USP40: variants seen among roughly 807,000 people sequenced by gnomAD.
USP40 encodes ubiquitin specific peptidase 40.
In USP40, 143 loss-of-function variants were observed where a neutral mutation model predicts 166.2. The ratio of observed to expected loss-of-function variants is 0.86; its 90% CI spans 0.75 to 0.99. The LOEUF (loss-of-function observed/expected upper bound fraction) is 0.99. Among genes scored for constraint, USP40 ranks in the 50% least tolerant of loss-of-function variants. The pLI, the probability that USP40 is intolerant of heterozygous loss-of-function variation, is 0.00. For synonymous variants in USP40, 498 were observed against 524.0 expected (o/e 0.95, Z 0.68); for missense variants, 1,444 against 1,479.7 (o/e 0.98, Z 0.40).
At chr2:233,500,510 C>A (rs1051939937) in intron 21 of USP40, among the ~76,000 whole-genome samples, 15 of 151,978 alleles carry the variant, frequency 9.9e-5, no homozygotes, top group Non-Finnish European at 7.4e-5. Flanking sequence ...AAATCTTGGA[C>A]AAGCGAGCAA....
chr2:233,493,286 G>T lies in USP40; in HGVS notation c.2917+139C>A. 8.3e-7 allele frequency: 1 copy of T among 1,202,420 alleles called. No homozygotes were observed. Among genetic ancestry groups the T allele is most frequent in the South Asian group, 1.4e-5 (1 of 69,222 alleles). 74.5% of individuals were successfully genotyped at this position (1,202,420 alleles called of 1,614,324 possible). A position where few individuals can be genotyped will look rare whatever the true frequency, so the allele number is the denominator to read the frequency against. On this transcript the variant is annotated intron_variant, in intron 25 of 31. Transcript: ENST00000678225. This position sits in a 1 kb window ranked among gnomAD's most constrained non-coding sequence, Gnocchi z 4.7. ...GTTATTATTATGTGATGTCTGGAAT[G>T]ACTTATGAAATTAATAGGTCTTGAT...
chr2:233,501,907 G>C (rs1029890969), intron 21 of USP40, among the ~76,000 whole-genome samples: 2 of 152,238 alleles, frequency 1.3e-5, no homozygotes. Flanking sequence ...CAAAGATAGA[G>C]AAGAGGAGGA....
intron 24 of USP40, among the ~76,000 whole-genome samples, chr2:233,495,110 T>C (rs1391756206): frequency 5.3e-5 from 8 of 150,888 alleles, no homozygotes; most frequent in Admixed American, 2.6e-4. Flanking sequence ...AAATAAATTA[T>C]AGTCCTCCAA....
Position 233,566,687 on chromosome 2 carries a change from C to G in USP40, c.-23G>C. On this transcript the variant is annotated 5_prime_UTR_variant, in exon 1 of 32. An upstream open reading frame in the 5' UTR loses its in-frame stop. Coordinates refer to ENST00000678225, the MANE Select transcript of USP40 (RefSeq NM_001365479.2). ...CCCGGGCGCCAGCCGCACTTACTGC[C>G]TAAAGCCCAGACCCCCGCCCTGGCC... is the stretch of plus-strand genomic sequence containing the variant. The G allele has an allele frequency of 3.0e-6, 3 of 986,160 alleles. No individual in the cohort carries two copies. The highest frequency in any genetic ancestry group is 3.6e-6 in the Non-Finnish European group (3 of 830,188). 61.1% of individuals were successfully genotyped at this position (986,160 alleles called of 1,614,324 possible). A position where few individuals can be genotyped will look rare whatever the true frequency, so the allele number is the denominator to read the frequency against.
In USP40 at chr2:233,510,034, G is replaced by A. The variant is rs1184075268; in HGVS notation, c.2613+15C>T. The A allele has an allele frequency of 2.4e-5, 38 of 1,558,800 alleles. No homozygotes were observed. Among genetic ancestry groups the A allele is most frequent in the Non-Finnish European group, 3.3e-5 (38 of 1,146,882 alleles). On this transcript the variant is annotated intron_variant, in intron 21 of 31. Transcript: ENST00000678225. ...ACACACACAGCCTCTGAAAACAAAA[G>A]GTAAAATTACTTACATCTCTCACAG...
chr2:233,510,002 CAT>C (rs2066692214), intron 21 of USP40, 45 bp downstream of exon 21: 1 of 1,441,158 alleles, frequency 6.9e-7, no homozygotes, highest in African/African-American at 1.4e-5. Context: ...TCACAGCAAA[CAT>C]ACAAACACAC....
Position 233,493,361 on chromosome 2 carries a change from C to T in USP40, c.2917+64G>A, listed in dbSNP as rs2065470454. 1 of 1,608,836 alleles carries T rather than the reference C, an allele frequency of 6.2e-7. No individual in the cohort carries two copies. The highest frequency in any genetic ancestry group is 2.2e-5 in the East Asian group (1 of 44,836). On this transcript the variant is annotated intron_variant, in intron 25 of 31. Transcript: ENST00000678225. This position sits in a 1 kb window ranked among gnomAD's most constrained non-coding sequence, Gnocchi z 4.7. ...TAAATATATCAATTGACTCTCAGAG[C>T]ACAGGCAGTCAATTTACTTCTCTTT...
intron 21 of USP40, among the ~76,000 whole-genome samples, chr2:233,501,897 C>A (rs1197460881): frequency 3.9e-5 from 6 of 152,088 alleles, no homozygotes; most frequent in Non-Finnish European, 2.9e-5. Context: ...GCAGAATGCT[C>A]AAAGATAGAG....
chr2:233,531,789 A>C (rs1340650697), intron 11 of USP40, among the ~76,000 whole-genome samples: 1 of 152,192 alleles, frequency 6.6e-6, no homozygotes, highest in Non-Finnish European at 1.5e-5. Context: ...CTCTAATAAT[A>C]GATATGTCTC....
At chr2:233,504,463 T>C (rs1260500418) in intron 21 of USP40, among the ~76,000 whole-genome samples, 2 of 151,758 alleles carry the variant, frequency 1.3e-5, no homozygotes, top group East Asian at 3.9e-4. Context: ...TCCATGCAAA[T>C]AGAAACCAAA....
At chr2:233,511,402 AAAATGTGAG>A (rs2066824595) in intron 20 of USP40, among the ~76,000 whole-genome samples, 1 of 152,196 alleles carries the variant, frequency 6.6e-6, no homozygotes. Flanking sequence ...CACAGATGTA[AAAATGTGAG>A]AAAAAGAAGG....
chr2:233,523,006 G>A (rs1031694874), intron 16 of USP40, among the ~76,000 whole-genome samples, 164 bp downstream of exon 16: 1 of 152,056 alleles, frequency 6.6e-6, no homozygotes, highest in African/African-American at 2.4e-5. Flanking sequence ...TTTTCTCTAA[G>A]TTACATAACC....
At chr2:233,502,455 A>G (rs1352240735) in intron 21 of USP40, among the ~76,000 whole-genome samples, 3 of 152,160 alleles carry the variant, frequency 2.0e-5, no homozygotes, top group Non-Finnish European at 2.9e-5. Flanking sequence ...GAAATGCTCC[A>G]ATGAATATTT....
At chr2:233,563,625 T>C (rs568005417) in intron 2 of USP40, among the ~76,000 whole-genome samples, 3 of 152,296 alleles carry the variant, frequency 2.0e-5, no homozygotes, top group Admixed American at 2.0e-4. Context: ...CCCAGTACTC[T>C]CAGCTACATT....
chr2:233,475,699 CGT>C lies in USP40; in HGVS notation c.*1691_*1692del, dbSNP rs1186370976. On this transcript the variant is annotated 3_prime_UTR_variant, in exon 32 of 32. Transcript: ENST00000678225. ...GGCACTTCAGGGCACAACCCACACGCGTCTTTGGACTTGCAGACATTCCGCGA... is the reference window on the plus strand; with the variant it reads ...GGCACTTCAGGGCACAACCCACACGCCTTTGGACTTGCAGACATTCCGCGA... 2 of 152,388 alleles carry C rather than the reference CGT, an allele frequency of 1.3e-5. No individual in the cohort carries two copies. The highest frequency in any genetic ancestry group is 4.8e-5 in the African/African-American group (2 of 41,484). 9.4% of individuals were successfully genotyped at this position (152,388 alleles called of 1,614,324 possible). A position where few individuals can be genotyped will look rare whatever the true frequency, so the allele number is the denominator to read the frequency against.
Position 233,562,791 on chromosome 2 carries a change from G to T in USP40, c.212C>A (p.Ser71Tyr), listed in dbSNP as rs1213444984. 2 of 1,533,692 alleles carry T rather than the reference G, an allele frequency of 1.3e-6. No homozygotes were observed. Among genetic ancestry groups the T allele is most frequent in the East Asian group, 4.9e-5 (2 of 40,580 alleles). ...CAAACCAAGCTCTTCTGGGCCAAGA[G>T]AAAATAGAGCTTCTAAAGAAAAAGG... ...FTPEFREALF[S>Y]LGPEELGLFE... Residue 71 changes from serine to tyrosine, a missense_variant, in exon 3 of 32, where the codon TCT becomes TAT. Physicochemically the swap from Ser to Tyr is moderately radical, Grantham distance 144. Transcript: ENST00000678225.
intron 18 of USP40, among the ~76,000 whole-genome samples, chr2:233,516,914 T>C (rs368082358): frequency 3.9e-5 from 6 of 152,142 alleles, no homozygotes; most frequent in African/African-American, 9.7e-5. Context: ...TGTTGTATAT[T>C]GCTTTATTTA....
rs188748890 is a variant in USP40, at chr2:233,539,127, G to A, written c.1170+1535C>T. 1.5e-3 allele frequency among the ~76,000 whole-genome samples: 232 copies of A among 151,358 alleles called. 1 individual carries two copies. The highest frequency in any genetic ancestry group is 6.8e-3 in the Middle Eastern group (2 of 292). On this transcript the variant is annotated intron_variant, in intron 10 of 31. Coordinates refer to ENST00000678225, the MANE Select transcript of USP40 (RefSeq NM_001365479.2). ...CCAGAAGATACATGAAGCAAAAACT[G>A]TCAAAACTTTTTTTTAAAAAAATGA...
At chr2:233,560,857 G>C (rs2071522804) in intron 3 of USP40, 2 of 556,444 alleles carry the variant, frequency 3.6e-6, no homozygotes, top group South Asian at 2.9e-5. Flanking sequence ...GCTTTAAATA[G>C]ACTTCTGGGG....
Sources: allele counts gnomAD v4.1 joint callset (sites outside exome capture counted in the v4.1 genomes callset), GRCh38; gene constraint gnomAD v4.1.1; non-coding constraint Gnocchi (gnomAD v3.1); transcripts MANE v1.5; gene names NCBI Gene and HGNC (gene_info 2026-07-23, HGNC 2026-07-21).